Variants in HIVEP1 observed in about 807,000 individuals in gnomAD.
The protein encoded by HIVEP1 is zinc finger protein 40.
Under a neutral mutation model 180.0 loss-of-function variants are expected in HIVEP1, and 36 were observed. The observed-to-expected ratio is 0.20, with a 90% confidence interval of 0.15 to 0.26. HIVEP1 has a LOEUF of 0.26. Ranked by LOEUF, HIVEP1 falls within the 10% of genes least tolerant of loss-of-function variation. The probability of loss-of-function intolerance (pLI) is 1.00; values close to 1 mark genes in which losing one functional copy is unlikely to be tolerated. For synonymous variants in HIVEP1, 1,239 were observed against 1,239.0 expected (o/e 1.00, Z 0.00); for missense variants, 3,143 against 3,268.7 (o/e 0.96, Z 0.94).
intron 2 of HIVEP1, among the ~76,000 whole-genome samples, chr6:12,024,228 T>C (rs1197832414): frequency 1.3e-5 from 2 of 151,704 alleles, no homozygotes; most frequent in Non-Finnish European, 2.9e-5. Context: ...TTACATTTGG[T>C]ATACAGTTGC....
At chr6:12,015,348 G>T (rs757833524) in intron 1 of HIVEP1, among the ~76,000 whole-genome samples, 178 bp from the exon 2 acceptor site, 5 of 152,142 alleles carry the variant, frequency 3.3e-5, no homozygotes, top group Non-Finnish European at 7.4e-5. Flanking sequence ...TTAATGAGAA[G>T]TCCCGATACT....
At chr6:12,051,089 A>T (rs1180109270) in intron 2 of HIVEP1, among the ~76,000 whole-genome samples, 1 of 147,266 alleles carries the variant, frequency 6.8e-6, no homozygotes, top group East Asian at 2.0e-4. Context: ...TGGATCTTAT[A>T]CTTCTGTCTC....
rs143072662 is a variant in HIVEP1, at chr6:12,017,999, C to T, written c.40+2331C>T. Among the ~76,000 whole-genome samples, 1,129 of 152,332 alleles carry T rather than the reference C, an allele frequency of 7.4e-3. 7 individuals are homozygous for T. The highest frequency in any genetic ancestry group is 0.014 in the Middle Eastern group (4 of 294). On this transcript the variant is annotated intron_variant, in intron 2 of 8. Coordinates refer to ENST00000379388, the MANE Select transcript of HIVEP1 (RefSeq NM_002114.4). ...CAGCGCTCATCGGGGAGGCTGGGGC[C>T]GTGCAGGAGCCCATGGCGTGGGGGG...
intron 3 of HIVEP1, among the ~76,000 whole-genome samples, chr6:12,118,430 C>T (rs967792919): frequency 1.3e-5 from 2 of 152,118 alleles, no homozygotes; most frequent in Non-Finnish European, 2.9e-5. Flanking sequence ...ATATGCCCAA[C>T]AATCCAACAA....
At chr6:12,211,035 A>G in the HIVEP1 span, among the ~76,000 whole-genome samples, 1 of 151,924 alleles carries the variant, frequency 6.6e-6, no homozygotes, top group Admixed American at 6.6e-5. Flanking sequence ...ACTAATGGAA[A>G]ATCTTGATTT....
At chr6:12,210,806 G>A in the HIVEP1 span, among the ~76,000 whole-genome samples, 3 of 152,090 alleles carry the variant, frequency 2.0e-5, no homozygotes, top group African/African-American at 7.2e-5. Flanking sequence ...AAAAAAAGAA[G>A]AAACAGCTCC....
downstream of HIVEP1, among the ~76,000 whole-genome samples, chr6:12,168,042 C>T (rs1428730738): frequency 1.3e-4 from 4 of 30,140 alleles, no homozygotes; most frequent in African/African-American, 3.6e-4. Context: ...ATTATATATA[C>T]ATATACATAT....
chr6:12,200,030 ATG>A, the HIVEP1 span, among the ~76,000 whole-genome samples: 1 of 152,310 alleles, frequency 6.6e-6, no homozygotes, highest in African/African-American at 2.4e-5. Flanking sequence ...GAGATGAGAA[ATG>A]TTGTAAAGAT....
At chr6:12,047,862 TG>T (rs1482385653) in intron 2 of HIVEP1, among the ~76,000 whole-genome samples, 1 of 152,232 alleles carries the variant, frequency 6.6e-6, no homozygotes, top group African/African-American at 2.4e-5. Flanking sequence ...CTCGATAAGC[TG>T]GTCAGGAAAG....
At position 12,124,482 on chromosome 6, in the gene HIVEP1, C is replaced by T. The variant is rs748305690; in HGVS notation, c.4687C>T (p.His1563Tyr). The change falls in exon 4 of 9, where the codon CAT becomes TAT. Residue 1563 changes from histidine (H) to tyrosine (Y), a missense_variant. His to Tyr is a moderately conservative substitution (Grantham distance 83). This residue lies in a region of HIVEP1 where 1,357 missense variants were observed against 1,260.5 expected (regional missense o/e 1.08). Coordinates refer to ENST00000379388, the MANE Select transcript of HIVEP1 (RefSeq NM_002114.4). The part of the protein sequence containing the change: ...EDCFAPKYQL[H>Y]CQVFTSGPSC... ...TTGCTTTGCTCCCAAATACCAATTG[C>T]ATTGTCAGGTTTTCACTTCAGGCCC... The T allele has an allele frequency of 5.6e-6, 9 of 1,614,064 alleles. No individual in the cohort carries two copies. In the African/African-American group the frequency reaches 1.1e-4, roughly 19 times the overall value.
At chr6:12,154,399 A>T (rs1759894424) in intron 7 of HIVEP1, among the ~76,000 whole-genome samples, 1 of 152,182 alleles carries the variant, frequency 6.6e-6, no homozygotes. Context: ...GTTATCTAGG[A>T]CAGGACCTTA....
intron 3 of HIVEP1, 116 bp downstream of exon 3, chr6:12,089,353 T>A (rs1185615412): frequency 3.5e-6 from 2 of 577,540 alleles, no homozygotes; most frequent in South Asian, 2.7e-5. Flanking sequence ...AAATTAGAAA[T>A]CCCCTTGAAC....
At chr6:12,047,654 G>A (rs994821025) in intron 2 of HIVEP1, among the ~76,000 whole-genome samples, 7 of 152,216 alleles carry the variant, frequency 4.6e-5, no homozygotes, top group Non-Finnish European at 1.0e-4. Flanking sequence ...GCTGTTAAGA[G>A]TTTGGCCTTT....
At chr6:12,192,110 A>C in the HIVEP1 span, among the ~76,000 whole-genome samples, 1 of 152,236 alleles carries the variant, frequency 6.6e-6, no homozygotes, top group Non-Finnish European at 1.5e-5. Flanking sequence ...GATTTAAATC[A>C]ATTACAATAT....
chr6:12,111,256 C>T (rs1010955966), intron 3 of HIVEP1, among the ~76,000 whole-genome samples: 1 of 152,262 alleles, frequency 6.6e-6, no homozygotes, highest in Non-Finnish European at 1.5e-5. Flanking sequence ...GGTGCCAAGA[C>T]AGACTTGCTC....
At chr6:12,039,927 AG>A (rs1769559990) in intron 2 of HIVEP1, among the ~76,000 whole-genome samples, 1 of 152,198 alleles carries the variant, frequency 6.6e-6, no homozygotes, top group South Asian at 2.1e-4. Context: ...GAGTTCAGGC[AG>A]GGCGGGCATC....
intron 3 of HIVEP1, among the ~76,000 whole-genome samples, chr6:12,112,699 C>G (rs1371550715): frequency 6.6e-6 from 1 of 152,114 alleles, no homozygotes; most frequent in African/African-American, 2.4e-5. Flanking sequence ...GCCCCCCTAG[C>G]AGTGGGCTGC....
At chr6:12,177,305 C>G in the HIVEP1 span, among the ~76,000 whole-genome samples, 4 of 152,058 alleles carry the variant, frequency 2.6e-5, no homozygotes, top group African/African-American at 9.7e-5. Context: ...CAGGTACCCC[C>G]AAACCTAAAA....
intron 2 of HIVEP1, among the ~76,000 whole-genome samples, chr6:12,073,833 GC>G (rs1772151396): frequency 1.3e-5 from 2 of 152,112 alleles, no homozygotes; most frequent in African/African-American, 4.8e-5. Context: ...ACTCTGGGAA[GC>G]CTCCTGAGCT....
Sources: gnomAD v4.1 joint callset for allele counts (sites outside exome capture counted in the v4.1 genomes callset) on GRCh38, gnomAD v4.1.1 for gene constraint, gnomAD v4.1.1 regional missense constraint, MANE v1.5 for transcripts, NCBI Gene and HGNC (gene_info 2026-07-23, HGNC 2026-07-21) for gene names.